PTPRD: variants seen among roughly 807,000 people sequenced by gnomAD.
PTPRD encodes protein tyrosine phosphatase receptor type D.
PTPRD carries 34 observed loss-of-function variants against 214.5 expected under a neutral mutation model. The observed-to-expected ratio is 0.16, with a 90% CI of 0.12 to 0.21. The LOEUF (loss-of-function observed/expected upper bound fraction) is 0.21, where lower values mean the gene tolerates loss of function less well. Among genes scored for constraint, PTPRD ranks in the 10% least tolerant of loss-of-function variants. The probability of loss-of-function intolerance (pLI) is 1.00; values close to 1 mark genes in which losing one functional copy is unlikely to be tolerated. For missense variants in PTPRD, 2,545 were observed against 2,398.7 expected, an observed-to-expected ratio of 1.06 and a Z score of -1.27; for synonymous variants, 1,128 against 845.7, an observed-to-expected ratio of 1.33 and a Z score of -5.79.
rs572233139 is a variant in PTPRD at position 8,520,609 on chromosome 9, A to G, written c.961+668T>C. 3.2e-4 allele frequency among the ~76,000 whole-genome samples: 49 copies of G among 151,280 alleles called. No individual in the cohort carries two copies. The South Asian group carries it at 8.8e-3, about 27-fold the overall frequency. On this transcript the variant is annotated intron_variant, in intron 20 of 45. Coordinates refer to ENST00000381196, the MANE Select transcript of PTPRD (RefSeq NM_002839.4). Reference sequence around the variant, plus strand: ...TCTAGAATTCTATAAACACTAGGGGAAAAAAAAACGGTACCCTTACATGCT... The same window carrying G: ...TCTAGAATTCTATAAACACTAGGGGGAAAAAAAACGGTACCCTTACATGCT...
At chr9:8,644,271 C>T (rs2096640551) in intron 12 of PTPRD, among the ~76,000 whole-genome samples, 1 of 151,898 alleles carries the variant, frequency 6.6e-6, no homozygotes, top group African/African-American at 2.4e-5. Context: ...AGGAGCTACC[C>T]TCTCTGACAG....
intron 3 of PTPRD, among the ~76,000 whole-genome samples, chr9:10,034,407 CTTTT>C (rs56827836): frequency 3.4e-5 from 3 of 89,542 alleles, no homozygotes; most frequent in East Asian, 4.1e-4. Flanking sequence ...CCTGGCTCTA[CTTTT>C]TTTTTTTTTT....
At chr9:8,990,130 A>G (rs920291855) in intron 11 of PTPRD, among the ~76,000 whole-genome samples, 5 of 152,162 alleles carry the variant, frequency 3.3e-5, no homozygotes, top group Admixed American at 3.3e-4. Context: ...AAACTTTAAT[A>G]TCTCCAAGTA....
At chr9:8,942,987 A>G (rs1344607676) in intron 11 of PTPRD, among the ~76,000 whole-genome samples, 2 of 152,170 alleles carry the variant, frequency 1.3e-5, no homozygotes, top group East Asian at 1.9e-4. Context: ...TAGCACTTCT[A>G]TATGCCAATA....
chr9:9,075,685 T>C (rs1422602898), intron 10 of PTPRD, among the ~76,000 whole-genome samples: 1 of 152,080 alleles, frequency 6.6e-6, no homozygotes, highest in East Asian at 1.9e-4. Context: ...CTTGTGATGG[T>C]TTGCTTAGAA....
intron 4 of PTPRD, among the ~76,000 whole-genome samples, chr9:10,024,778 C>G (rs1231579803): frequency 9.6e-6 from 1 of 104,592 alleles, no homozygotes; most frequent in African/African-American, 3.7e-5. Context: ...TATCCCTCCC[C>G]CCTCCCCCCA....
At chr9:9,817,631 T>A (rs2049192552) in intron 5 of PTPRD, among the ~76,000 whole-genome samples, 1 of 152,186 alleles carries the variant, frequency 6.6e-6, no homozygotes, top group Non-Finnish European at 1.5e-5. Flanking sequence ...TTCTTTCATC[T>A]TATTTACATT....
chr9:8,713,297 G>T, intron 12 of PTPRD: 1 of 720,064 alleles, frequency 1.4e-6, no homozygotes, highest in Non-Finnish European at 2.5e-6. Context: ...GGCGGCGAGC[G>T]CGGAGAGGAC....
chr9:10,583,344 T>TC (rs1206979775), intron 2 of PTPRD, among the ~76,000 whole-genome samples: 1 of 151,472 alleles, frequency 6.6e-6, no homozygotes, highest in Non-Finnish European at 1.5e-5. Flanking sequence ...GTAAGAGTCT[T>TC]TTTTTTTTCA....
intron 4 of PTPRD, among the ~76,000 whole-genome samples, chr9:9,972,247 A>G (rs2095144923): frequency 6.6e-6 from 1 of 152,172 alleles, no homozygotes; most frequent in Non-Finnish European, 1.5e-5. Flanking sequence ...AATAGCAAAC[A>G]TACAGTGTTT....
At chr9:8,634,878 T>G (rs986415927) in intron 13 of PTPRD, among the ~76,000 whole-genome samples, 1 of 151,528 alleles carries the variant, frequency 6.6e-6, no homozygotes, top group Non-Finnish European at 1.5e-5. Flanking sequence ...TACCACACAT[T>G]ACACGCCAGT....
intron 9 of PTPRD, among the ~76,000 whole-genome samples, chr9:9,333,607 T>A (rs1019868313): frequency 7.3e-5 from 11 of 150,210 alleles, no homozygotes; most frequent in African/African-American, 2.7e-4. Flanking sequence ...AAAGCACTGG[T>A]CTGGAAATGT....
At chr9:9,666,196 A>C (rs1347340237) in intron 7 of PTPRD, among the ~76,000 whole-genome samples, 1 of 151,980 alleles carries the variant, frequency 6.6e-6, no homozygotes, top group Non-Finnish European at 1.5e-5. Flanking sequence ...AAAACAGGAA[A>C]TGATTAATGC....
chr9:10,258,115 G>C (rs574928721), intron 3 of PTPRD, among the ~76,000 whole-genome samples: 68 of 152,254 alleles, frequency 4.5e-4, no homozygotes, highest in African/African-American at 1.6e-3. Flanking sequence ...TCCACTCCTG[G>C]TCTTCCAAAG....
chr9:10,541,678 T>C (rs778774018), intron 2 of PTPRD, among the ~76,000 whole-genome samples: 27 of 152,120 alleles, frequency 1.8e-4, no homozygotes, highest in Admixed American at 6.5e-4. Flanking sequence ...TAAATAAACA[T>C]ATCACCACAG....
intron 9 of PTPRD, among the ~76,000 whole-genome samples, chr9:9,213,516 T>C (rs554042091): frequency 6.6e-6 from 1 of 151,566 alleles, no homozygotes; most frequent in East Asian, 1.9e-4. Context: ...TTTCCTGGTT[T>C]TTTGTTTGTT....
At chr9:8,523,699 C>G (rs2097938769) in intron 18 of PTPRD, among the ~76,000 whole-genome samples, 175 bp from the exon 19 acceptor site, 1 of 152,100 alleles carries the variant, frequency 6.6e-6, no homozygotes, top group South Asian at 2.1e-4. Flanking sequence ...CAATATCTCA[C>G]AGACTAACAT....
In PTPRD at chr9:9,379,196, G is replaced by GAT. The variant is rs61595587; in HGVS notation, c.-203+18251_-203+18252dup. On this transcript the variant is annotated intron_variant, in intron 9 of 45. Coordinates refer to ENST00000381196, the MANE Select transcript of PTPRD (RefSeq NM_002839.4). ...TGTGAAGGGCATAGGTCTATGTTGA[G>GAT]ATATATATATATATGATATATATTT... 1.4e-3 allele frequency among the ~76,000 whole-genome samples: 199 copies of GAT among 145,190 alleles called. 3 individuals are homozygous for GAT. The highest frequency in any genetic ancestry group is 6.0e-3 in the South Asian group (28 of 4,684).
At chr9:8,750,600 G>C (rs184970487) in intron 11 of PTPRD, among the ~76,000 whole-genome samples, 50 of 152,264 alleles carry the variant, frequency 3.3e-4, no homozygotes, top group African/African-American at 1.2e-3. Flanking sequence ...GAGAAGGGTG[G>C]GGCATGTAAG....
Sources: gnomAD v4.1 joint callset for allele counts (sites outside exome capture counted in the v4.1 genomes callset) on GRCh38, gnomAD v4.1.1 for gene constraint, MANE v1.5 for transcripts, NCBI Gene and HGNC (gene_info 2026-07-23, HGNC 2026-07-21) for gene names.